ASH1L: variants seen among roughly 807,000 people sequenced by gnomAD.
ASH1L encodes histone-lysine N-methyltransferase ASH1L.
A neutral mutation model predicts 269.0 loss-of-function variants in ASH1L; 23 were observed. The observed-to-expected ratio is 0.09, with a 90% CI of 0.06 to 0.12. The LOEUF (loss-of-function observed/expected upper bound fraction) is 0.12, where lower values mean the gene tolerates loss of function less well. Ranked by LOEUF, ASH1L falls within the 10% of genes least tolerant of loss-of-function variation. The pLI is 1.00. For synonymous variants in ASH1L, 1,187 were observed against 1,253.5 expected (o/e 0.95, Z 1.12); for missense variants, 2,912 against 3,567.8 (o/e 0.82, Z 4.68).
intron 2 of ASH1L, among the ~76,000 whole-genome samples, chr1:155,507,941 ACCT>A (rs1297255533): frequency 1.3e-5 from 2 of 150,684 alleles, no homozygotes; most frequent in African/African-American, 4.9e-5. Context: ...GCCTTTGTGT[ACCT>A]CCTCAACTCT....
chr1:155,531,271 C>T (rs1041594649), intron 1 of ASH1L, among the ~76,000 whole-genome samples: 1 of 151,274 alleles, frequency 6.6e-6, no homozygotes, highest in South Asian at 2.1e-4. Context: ...TTTCCCATTA[C>T]AATTTTTGTA....
intron 5 of ASH1L, among the ~76,000 whole-genome samples, chr1:155,430,531 C>T (rs980586112): frequency 2.9e-4 from 44 of 152,158 alleles, no homozygotes; most frequent in Admixed American, 2.8e-3. Flanking sequence ...ATTTGATGGG[C>T]TTAAAGTTCT....
chr1:155,439,873 A>G (rs908653532), intron 4 of ASH1L, among the ~76,000 whole-genome samples: 14 of 151,530 alleles, frequency 9.2e-5, no homozygotes, highest in Non-Finnish European at 1.9e-4. Context: ...CTAGATTCCA[A>G]TATCATCAGA....
At chr1:155,541,064 T>C (rs1224418969) in intron 1 of ASH1L, among the ~76,000 whole-genome samples, 1 of 152,158 alleles carries the variant, frequency 6.6e-6, no homozygotes, top group Non-Finnish European at 1.5e-5. Flanking sequence ...TGCATATCCA[T>C]ACTATAAGTC....
At chr1:155,339,671 C>T (rs915767333) in intron 25 of ASH1L, among the ~76,000 whole-genome samples, 10 of 152,046 alleles carry the variant, frequency 6.6e-5, no homozygotes, top group African/African-American at 2.4e-5. Flanking sequence ...TATGTCATCA[C>T]GTGATTTGAT....
At chr1:155,529,232 T>C (rs559620222) in intron 1 of ASH1L, among the ~76,000 whole-genome samples, 85 of 152,316 alleles carry the variant, frequency 5.6e-4, no homozygotes, top group African/African-American at 1.9e-3. Context: ...CTGAGTCAAA[T>C]GTTATTTCTG....
At chr1:155,337,941 C>T (rs1652449696) in intron 27 of ASH1L, 148 bp downstream of exon 27, 1 of 1,031,468 alleles carries the variant, frequency 9.7e-7, no homozygotes, top group Non-Finnish European at 1.4e-6. Flanking sequence ...AGTTTCACTA[C>T]CAAGATACAA....
chr1:155,378,248 C>G, intron 10 of ASH1L, 33 bp downstream of exon 10: 1 of 1,512,938 alleles, frequency 6.6e-7, no homozygotes, highest in Non-Finnish European at 9.2e-7. Context: ...ACCTTAAAGC[C>G]TATGCTTTAG....
Position 155,521,439 on chromosome 1 carries a change from A to G in ASH1L, c.81T>C (p.Ser27=), listed in dbSNP as rs769962025. The G allele has an allele frequency of 6.2e-7, 1 of 1,614,090 alleles. No individual in the cohort carries two copies. The highest frequency in any genetic ancestry group is 8.5e-7 in the Non-Finnish European group (1 of 1,180,016). The stretch of plus-strand genomic sequence containing the variant: ...CTCTCTTACTGACCAATGTGCCAGT[A>G]CTGATGGCAGAAGGACTCTTTCTTG... ...GFSRKSPSAI[S]TGTLVSKREV... The change falls in exon 2 of 28, where the codon AGT becomes AGC. Residue 27 remains serine (S), a synonymous_variant. Coordinates refer to ENST00000392403, the MANE Select transcript of ASH1L (RefSeq NM_018489.3).
chr1:155,503,665 C>T (rs1667646314), intron 2 of ASH1L, among the ~76,000 whole-genome samples: 1 of 152,220 alleles, frequency 6.6e-6, no homozygotes, highest in Non-Finnish European at 1.5e-5. Flanking sequence ...TCCGTATTTA[C>T]ATTAAGCAGT....
At chr1:155,357,431 A>G in intron 14 of ASH1L, 21 bp from the exon 15 acceptor site, 2 of 1,602,826 alleles carry the variant, frequency 1.2e-6, no homozygotes, top group Non-Finnish European at 1.7e-6. Context: ...GATGGATCAG[A>G]TTAGAGATTT....
intron 19 of ASH1L, 69 bp from the exon 20 acceptor site, chr1:155,347,973 T>C (rs761664623): frequency 2.3e-5 from 36 of 1,586,542 alleles, no homozygotes; most frequent in Non-Finnish European, 3.1e-5. Context: ...CCTAAAGAGG[T>C]AGCAAGGTAG....
intron 7 of ASH1L, among the ~76,000 whole-genome samples, chr1:155,385,198 C>G (rs939290959): frequency 6.6e-6 from 1 of 152,088 alleles, no homozygotes; most frequent in African/African-American, 2.4e-5. Context: ...AAACCCAGCA[C>G]TTTGGGAGGT....
chr1:155,530,997 A>G (rs1571080491), intron 1 of ASH1L, among the ~76,000 whole-genome samples: 1 of 152,040 alleles, frequency 6.6e-6, no homozygotes, highest in East Asian at 1.9e-4. Flanking sequence ...TCAATCAATC[A>G]ATATTAAAAA....
chr1:155,457,604 G>C (rs1328903040), intron 4 of ASH1L, among the ~76,000 whole-genome samples: 3 of 152,100 alleles, frequency 2.0e-5, no homozygotes, highest in African/African-American at 7.2e-5. Flanking sequence ...ATTTCTCTGT[G>C]TCATAGCATT....
At chr1:155,404,698 TATAC>T (rs1659118148) in intron 6 of ASH1L, among the ~76,000 whole-genome samples, 1 of 152,112 alleles carries the variant, frequency 6.6e-6, no homozygotes, top group African/African-American at 2.4e-5. Flanking sequence ...ATTGTATTTC[TATAC>T]ATAGCAATAA....
intron 12 of ASH1L, 37 bp from the exon 13 acceptor site, chr1:155,360,446 ATTTT>A (rs745726347): frequency 6.2e-6 from 7 of 1,123,820 alleles, no homozygotes; most frequent in Admixed American, 4.1e-5. Flanking sequence ...AAGGCTGGAA[ATTTT>A]TTTTTTTTTT....
At chr1:155,348,897 A>T (rs28533380) in intron 19 of ASH1L, among the ~76,000 whole-genome samples, 3,734 of 31,360 alleles carry the variant, frequency 0.12, 144 homozygotes, top group African/African-American at 0.19. Context: ...AAAAAAAAAA[A>T]AAATATATAT....
chr1:155,338,284 C>T lies in ASH1L; in HGVS notation c.8608G>A (p.Ala2870Thr). The T allele has an allele frequency of 6.2e-7, 1 of 1,614,042 alleles. No homozygotes were observed. The highest frequency in any genetic ancestry group is 8.5e-7 in the Non-Finnish European group (1 of 1,180,022). The change falls in exon 27 of 28, where the codon GCC (alanine) becomes ACC (threonine). Residue 2870 changes from alanine to threonine, a missense_variant. By Grantham distance (58) the Ala-to-Thr change is moderately conservative. This residue lies in a region of ASH1L where 154 missense variants were observed against 165.0 expected (regional missense o/e 0.93). Transcript: ENST00000392403. ...EEVLASQEQA[A>T]NEIPSLEEPE... is the part of the protein sequence containing the mutation. ...TCCTCCAGGCTGGGTATCTCATTGG[C>T]TGCTTGCTCTTGACTGGCTAGAACC...
Sources: gnomAD v4.1 joint callset for allele counts (sites outside exome capture counted in the v4.1 genomes callset) on GRCh38, gnomAD v4.1.1 for gene constraint, gnomAD v4.1.1 regional missense constraint, MANE v1.5 for transcripts, NCBI Gene and HGNC (gene_info 2026-07-23, HGNC 2026-07-21) for gene names.